ROBO1: variants seen among roughly 807,000 people sequenced by gnomAD.
The protein encoded by ROBO1 is roundabout homolog 1.
ROBO1 carries 149 observed loss-of-function variants against 195.9 expected under a neutral mutation model. The observed-to-expected ratio is 0.76, with a 90% CI of 0.67 to 0.87. The LOEUF is 0.87. Ranked by LOEUF, ROBO1 falls within the 40% of genes least tolerant of loss-of-function variation. The pLI, the probability that ROBO1 is intolerant of heterozygous loss-of-function variation, is 0.00. For synonymous variants in ROBO1, 816 were observed against 733.2 expected, an observed-to-expected ratio of 1.11 and a Z score of -1.82; for missense variants, 1,933 against 2,068.3, an observed-to-expected ratio of 0.93 and a Z score of 1.27.
intron 2 of ROBO1, among the ~76,000 whole-genome samples, chr3:79,395,323 AAAAAAAAAAAAAAAAAAAAAGAAAG>A (rs1242005804): frequency 2.5e-5 from 3 of 121,264 alleles, no homozygotes; most frequent in African/African-American, 1.1e-4. Context: ...CTCCGTCTCA[AAAAAAAAAAAAAAAAAAAAAGAAAG>A]AAAGAAAGAA....
chr3:79,624,614 A>C lies in ROBO1; in HGVS notation c.-50-34653T>G, dbSNP rs192720998. On this transcript the variant is annotated intron_variant, in intron 1 of 30. Transcript: ENST00000464233. ...AAAAAGGCAAAGAAGGGCATTATAT[A>C]ATGGAAAAGGGAACAATTCAACAAG... Among the ~76,000 whole-genome samples, 180 of 152,182 alleles carry C rather than the reference A, an allele frequency of 1.2e-3. 2 individuals carry two copies. Among genetic ancestry groups the C allele is most frequent in the African/African-American group, 4.0e-3 (166 of 41,450 alleles).
chr3:79,322,394 A>T (rs2109133869), intron 2 of ROBO1, among the ~76,000 whole-genome samples: 1 of 152,320 alleles, frequency 6.6e-6, no homozygotes, highest in South Asian at 2.1e-4. Flanking sequence ...AGCATAAATG[A>T]GAGGCAAGCA....
intron 4 of ROBO1, among the ~76,000 whole-genome samples, chr3:78,917,856 T>C (rs1043889516): frequency 6.6e-6 from 1 of 152,224 alleles, no homozygotes; most frequent in Non-Finnish European, 1.5e-5. Flanking sequence ...TGAGTGGTTT[T>C]TTTTCCAACC....
At chr3:79,729,110 G>T (rs764747730) in intron 1 of ROBO1, among the ~76,000 whole-genome samples, 4 of 152,126 alleles carry the variant, frequency 2.6e-5, no homozygotes, top group Non-Finnish European at 5.9e-5. Context: ...GAATAGCCAT[G>T]TAATGTTCCT....
chr3:79,102,785 G>A (rs530393049), intron 3 of ROBO1, among the ~76,000 whole-genome samples: 58 of 151,848 alleles, frequency 3.8e-4, no homozygotes, highest in Admixed American at 1.1e-3. Flanking sequence ...AAAGTTATTG[G>A]TGCTTTTTTG....
intron 4 of ROBO1, among the ~76,000 whole-genome samples, chr3:78,785,093 T>C (rs2083791354): frequency 1.3e-5 from 2 of 152,184 alleles, no homozygotes; most frequent in African/African-American, 4.8e-5. Context: ...CTTGCCAAGC[T>C]GTGCTCAGAT....
intron 2 of ROBO1, among the ~76,000 whole-genome samples, chr3:79,557,044 A>G (rs1429133817): frequency 6.8e-6 from 1 of 146,764 alleles, no homozygotes; most frequent in Non-Finnish European, 1.5e-5. Context: ...TTTTTGTGGC[A>G]GACTATGACT....
intron 2 of ROBO1, among the ~76,000 whole-genome samples, chr3:79,452,323 C>T (rs760650096): frequency 4.6e-5 from 7 of 152,092 alleles, no homozygotes; most frequent in African/African-American, 1.7e-4. Context: ...TATCACACCA[C>T]TCATATCCAC....
At chr3:79,334,393 C>CCTG (rs2034581586) in intron 2 of ROBO1, among the ~76,000 whole-genome samples, 1 of 146,300 alleles carries the variant, frequency 6.8e-6, no homozygotes, top group African/African-American at 2.5e-5. Flanking sequence ...ATACACATTT[C>CCTG]CATCTAATAT....
rs771404527 is a variant in ROBO1, at chr3:78,938,653, T to A, written c.447A>T (p.Ala149=). The change falls in exon 4 of 31, where the codon GCA becomes GCT. Residue 149 remains alanine (A), a synonymous_variant. Coordinates refer to ENST00000464233, the MANE Select transcript of ROBO1 (RefSeq NM_002941.4). The stretch of plus-strand genomic sequence containing the variant: ...TCACAGCCTCTCCAAGGTAATTCCT[T>A]GCTACACAGACATAGACTCCTTCAT... ...RPDEGVYVCV[A]RNYLGEAVSH... 5.0e-6 allele frequency: 8 copies of A among 1,613,844 alleles called. No homozygotes were observed. In the South Asian group the frequency reaches 8.8e-5, roughly 18 times the overall value.
chr3:78,746,081 T>C (rs892198294), intron 5 of ROBO1, among the ~76,000 whole-genome samples: 1 of 152,150 alleles, frequency 6.6e-6, no homozygotes, highest in African/African-American at 2.4e-5. Context: ...TGAGGTGCTT[T>C]AGCCAACATC....
intron 4 of ROBO1, among the ~76,000 whole-genome samples, chr3:78,867,941 A>C (rs2035284178): frequency 6.6e-6 from 1 of 152,136 alleles, no homozygotes; most frequent in African/African-American, 2.4e-5. Context: ...CTAATAACAG[A>C]ACCTCTCCGT....
At chr3:79,390,321 G>A (rs2036900536) in intron 2 of ROBO1, among the ~76,000 whole-genome samples, 1 of 151,962 alleles carries the variant, frequency 6.6e-6, no homozygotes, top group Non-Finnish European at 1.5e-5. Context: ...AAAAAATCCA[G>A]AGCTAGGGAT....
chr3:78,860,309 T>TATATA (rs967905106), intron 4 of ROBO1, among the ~76,000 whole-genome samples: 4 of 62,704 alleles, frequency 6.4e-5, no homozygotes, highest in African/African-American at 2.7e-4. Context: ...ATACTATATA[T>TATATA]ATATATATAT....
At chr3:79,567,596 G>A (rs1226102845) in intron 2 of ROBO1, among the ~76,000 whole-genome samples, 1 of 151,898 alleles carries the variant, frequency 6.6e-6, no homozygotes, top group Non-Finnish European at 1.5e-5. Context: ...CAATAGTATT[G>A]TTACATATTA....
intron 1 of ROBO1, among the ~76,000 whole-genome samples, chr3:79,710,992 C>A (rs529661142): frequency 6.6e-6 from 1 of 152,172 alleles, no homozygotes; most frequent in East Asian, 1.9e-4. Context: ...TAAATATGAT[C>A]TACTAAATTT....
At chr3:79,680,755 G>A (rs1336479166) in intron 1 of ROBO1, among the ~76,000 whole-genome samples, 1 of 151,934 alleles carries the variant, frequency 6.6e-6, no homozygotes, top group Admixed American at 6.6e-5. Flanking sequence ...TAATGACATA[G>A]CATAGAAAAC....
At chr3:79,048,209 C>T (rs1395765098) in intron 3 of ROBO1, among the ~76,000 whole-genome samples, 1 of 152,064 alleles carries the variant, frequency 6.6e-6, no homozygotes, top group Non-Finnish European at 1.5e-5. Context: ...AAACCTCTGG[C>T]TTTGATGATC....
chr3:78,658,532 T>A (rs894068652), intron 17 of ROBO1, among the ~76,000 whole-genome samples: 5 of 152,190 alleles, frequency 3.3e-5, no homozygotes, highest in African/African-American at 1.2e-4. Flanking sequence ...TCTGCCTGCC[T>A]CGGCCTCTCA....
Sources: allele counts gnomAD v4.1 joint callset (sites outside exome capture counted in the v4.1 genomes callset), GRCh38; gene constraint gnomAD v4.1.1; transcripts MANE v1.5; gene names NCBI Gene and HGNC (gene_info 2026-07-23, HGNC 2026-07-21).